Variants in UNC79 observed in about 807,000 individuals in gnomAD.
UNC79 encodes the protein protein unc-79 homolog.
UNC79 carries 37 observed loss-of-function variants against 283.1 expected under a neutral mutation model. That is an observed-to-expected ratio of 0.13 (90% CI 0.10 to 0.17). UNC79 has a LOEUF of 0.17. UNC79 is among the 10% of genes least tolerant of loss of function. The pLI is 1.00. For missense variants in UNC79, 2,272 were observed against 3,211.1 expected, an observed-to-expected ratio of 0.71 and a Z score of 7.07; for synonymous variants, 1,107 against 1,200.2, an observed-to-expected ratio of 0.92 and a Z score of 1.61.
At chr14:93,584,983 C>T (rs2064115856) in intron 20 of UNC79, among the ~76,000 whole-genome samples, 1 of 152,150 alleles carries the variant, frequency 6.6e-6, no homozygotes, top group African/African-American at 2.4e-5. Context: ...AGGCGTGAGC[C>T]ACTGCGCCTG....
chr14:93,372,924 A>G (rs2054482680), intron 1 of UNC79, among the ~76,000 whole-genome samples: 1 of 152,242 alleles, frequency 6.6e-6, no homozygotes, highest in Non-Finnish European at 1.5e-5. Context: ...GCCATAAAAC[A>G]CATGTTAACA....
At chr14:93,389,276 C>T (rs963713604) in intron 1 of UNC79, among the ~76,000 whole-genome samples, 1 of 152,168 alleles carries the variant, frequency 6.6e-6, no homozygotes, top group African/African-American at 2.4e-5. Flanking sequence ...TAAAAGTAAA[C>T]TTCTACCTCT....
intron 12 of UNC79, among the ~76,000 whole-genome samples, 184 bp from the exon 13 acceptor site, chr14:93,540,476 T>C (rs1385991052): frequency 6.6e-6 from 1 of 151,990 alleles, no homozygotes; most frequent in Non-Finnish European, 1.5e-5. Flanking sequence ...AGTAAGAAAA[T>C]AGAATGAGGC....
chr14:93,342,169 C>T (rs1335368866), intron 1 of UNC79, among the ~76,000 whole-genome samples: 1 of 152,238 alleles, frequency 6.6e-6, no homozygotes, highest in Non-Finnish European at 1.5e-5. Context: ...TCTGCCCCTG[C>T]AGCAAACTTC....
At chr14:93,488,669 A>G (rs1224678911) in intron 5 of UNC79, among the ~76,000 whole-genome samples, 1 of 152,240 alleles carries the variant, frequency 6.6e-6, no homozygotes, top group Non-Finnish European at 1.5e-5. Context: ...GCTGATAAGC[A>G]GTAAACATTT....
chr14:93,470,549 C>T (rs1245277530), intron 2 of UNC79, among the ~76,000 whole-genome samples: 1 of 152,112 alleles, frequency 6.6e-6, no homozygotes, highest in Non-Finnish European at 1.5e-5. Flanking sequence ...GTGTTTAACC[C>T]AGAGAAGGGG....
intron 1 of UNC79, among the ~76,000 whole-genome samples, chr14:93,404,334 A>AT (rs71965317): frequency 2.0e-3 from 293 of 148,764 alleles, no homozygotes; most frequent in African/African-American, 7.0e-3. Context: ...AAATAAAAAA[A>AT]AAAAAATTAG....
chr14:93,514,095 G>C (rs2059949622), intron 7 of UNC79, among the ~76,000 whole-genome samples: 1 of 152,050 alleles, frequency 6.6e-6, no homozygotes, highest in Admixed American at 6.6e-5. Flanking sequence ...ACAAAAATTA[G>C]AGAACAAGTC....
chr14:93,646,588 C>G lies in UNC79; in HGVS notation c.6045-20C>G. The G allele has an allele frequency of 6.2e-7, 1 of 1,612,516 alleles. No homozygotes were observed. The highest frequency in any genetic ancestry group is 8.5e-7 in the Non-Finnish European group (1 of 1,178,778). The stretch of plus-strand genomic sequence containing the variant: ...GGAAACCTAAGATATTTGTGTGACT[C>G]TCTTTACTTTATTTCCTAGATTGGC... On this transcript the variant is annotated intron_variant, in intron 34 of 48. Transcript: ENST00000555664.
intron 1 of UNC79, among the ~76,000 whole-genome samples, chr14:93,411,244 G>A (rs1267406296): frequency 1.3e-5 from 2 of 152,198 alleles, no homozygotes; most frequent in African/African-American, 2.4e-5. Flanking sequence ...GGAAAGGACT[G>A]TGTCTTCTGA....
At chr14:93,400,016 A>G (rs984898772) in intron 1 of UNC79, among the ~76,000 whole-genome samples, 2 of 152,184 alleles carry the variant, frequency 1.3e-5, no homozygotes, top group Non-Finnish European at 1.5e-5. Flanking sequence ...AGCAGAGTCA[A>G]TGGATCTGCA....
chr14:93,547,133 T>A (rs79568967), intron 14 of UNC79, among the ~76,000 whole-genome samples: 6,770 of 152,252 alleles, frequency 0.044, 225 homozygotes, highest in Non-Finnish European at 0.066. Context: ...TGATAATATT[T>A]TGTCATTGTT....
exon 19 of UNC79, chr14:93,580,288 G>A: frequency 1.2e-6 from 2 of 1,614,234 alleles, no homozygotes; most frequent in Non-Finnish European, 1.7e-6. Flanking sequence ...GCAATCGAGT[G>A]CAACTTATGT....
intron 34 of UNC79, among the ~76,000 whole-genome samples, chr14:93,644,770 T>C (rs1323907166): frequency 3.3e-5 from 5 of 152,168 alleles, no homozygotes; most frequent in African/African-American, 4.8e-5. Context: ...TGAAGACAAA[T>C]AGGAAAGCAT....
At chr14:93,376,203 G>C (rs1482557006) in intron 1 of UNC79, among the ~76,000 whole-genome samples, 2 of 152,222 alleles carry the variant, frequency 1.3e-5, no homozygotes, top group Non-Finnish European at 2.9e-5. Context: ...AGGCTAGTTT[G>C]TTATGCAACA....
At chr14:93,601,251 C>G (rs556920767) in intron 25 of UNC79, among the ~76,000 whole-genome samples, 86 of 149,162 alleles carry the variant, frequency 5.8e-4, no homozygotes, top group South Asian at 4.0e-3. Flanking sequence ...CCCTCACCCC[C>G]CTTCCACCCT....
rs201701472 is a variant in UNC79, at chr14:93,657,425, C to A, written c.6457-1768C>A. Among the ~76,000 whole-genome samples, 5 of 151,124 alleles carry A rather than the reference C, an allele frequency of 3.3e-5. No homozygotes were observed. The East Asian group carries it at 9.8e-4, about 29-fold the overall frequency. On this transcript the variant is annotated intron_variant, in intron 38 of 48. Transcript: ENST00000555664. ...GGAGTGCAGTGGCACAATCTCGGCT[C>A]ACTGCAAGCTCCGCCTCCTGGGTTC...
chr14:93,348,295 A>G, intron 1 of UNC79: 1 of 505,302 alleles, frequency 2.0e-6, no homozygotes, highest in Non-Finnish European at 3.5e-6. Flanking sequence ...ATATAGATGT[A>G]TAGTCAAAAA....
chr14:93,343,223 G>A (rs906150175), intron 1 of UNC79, among the ~76,000 whole-genome samples: 2 of 152,230 alleles, frequency 1.3e-5, no homozygotes, highest in South Asian at 2.1e-4. Context: ...AGACTGGATA[G>A]TTTATAAAGA....
Sources: allele counts gnomAD v4.1 joint callset (sites outside exome capture counted in the v4.1 genomes callset), GRCh38; gene constraint gnomAD v4.1.1; transcripts MANE v1.5; gene names NCBI Gene and HGNC (gene_info 2026-07-23, HGNC 2026-07-21).